DOCK3: variants seen among roughly 807,000 people sequenced by gnomAD.
The protein encoded by DOCK3 is dedicator of cytokinesis protein 3.
Under a neutral mutation model 265.6 loss-of-function variants are expected in DOCK3, and 60 were observed. The ratio of observed to expected loss-of-function variants is 0.23; its 90% confidence interval spans 0.18 to 0.28. DOCK3 has a LOEUF of 0.28. Ranked by LOEUF, DOCK3 falls within the 10% of genes least tolerant of loss-of-function variation. DOCK3 has a pLI of 1.00. For missense variants in DOCK3, 1,981 were observed against 2,594.3 expected, an observed-to-expected ratio of 0.76 and a Z score of 5.14; for synonymous variants, 881 against 938.0, an observed-to-expected ratio of 0.94 and a Z score of 1.11.
Position 50,965,778 on chromosome 3 carries a change from T to G in DOCK3, c.315+31701T>G, listed in dbSNP as rs552213228. ...TGAAATTGAAGACAAAATCAAACATTTTTTAATTAAACATTTTTTAGCTTA... is the reference window on the plus strand; with the variant it reads ...TGAAATTGAAGACAAAATCAAACATGTTTTAATTAAACATTTTTTAGCTTA... On this transcript the variant is annotated intron_variant, in intron 5 of 52. Transcript: ENST00000266037. Among the ~76,000 whole-genome samples, 10 of 152,274 alleles carry G rather than the reference T, an allele frequency of 6.6e-5. 1 individual carries two copies. In the South Asian group the frequency reaches 2.1e-3, roughly 32 times the overall value.
At chr3:50,870,277 G>A (rs1159783452) in intron 3 of DOCK3, among the ~76,000 whole-genome samples, 1 of 151,780 alleles carries the variant, frequency 6.6e-6, no homozygotes, top group Non-Finnish European at 1.5e-5. Flanking sequence ...ATATTTGGTT[G>A]GTATATTTGT....
intron 5 of DOCK3, among the ~76,000 whole-genome samples, chr3:51,033,244 G>A (rs925520927): frequency 1.3e-5 from 2 of 152,124 alleles, no homozygotes; most frequent in African/African-American, 4.8e-5. Context: ...ACTTTCCCAG[G>A]CATTTTTCTG....
intron 5 of DOCK3, among the ~76,000 whole-genome samples, chr3:50,953,497 A>G (rs1364810492): frequency 6.6e-6 from 1 of 152,150 alleles, no homozygotes; most frequent in Non-Finnish European, 1.5e-5. Context: ...AGGAACAGGA[A>G]AGGTTCATTT....
At chr3:50,818,132 A>G (rs2044197209) in intron 2 of DOCK3, among the ~76,000 whole-genome samples, 1 of 152,182 alleles carries the variant, frequency 6.6e-6, no homozygotes, top group African/African-American at 2.4e-5. Context: ...TCTAGGAGTA[A>G]TTATTCTCTT....
intron 7 of DOCK3, among the ~76,000 whole-genome samples, chr3:51,080,902 A>G (rs1249895115): frequency 7.1e-6 from 1 of 141,032 alleles, no homozygotes; most frequent in Non-Finnish European, 1.6e-5. Flanking sequence ...GAATGCTTGA[A>G]TTTTTTTTTT....
intron 5 of DOCK3, among the ~76,000 whole-genome samples, chr3:50,948,483 A>C (rs559504199): frequency 2.1e-5 from 3 of 141,508 alleles, no homozygotes; most frequent in Non-Finnish European, 4.5e-5. Context: ...AGCTCACTGT[A>C]AGCTCCAACT....
intron 27 of DOCK3, 60 bp downstream of exon 27, chr3:51,280,264 G>T (rs1288053738): frequency 5.3e-6 from 8 of 1,498,702 alleles, no homozygotes; most frequent in Non-Finnish European, 7.3e-6. Flanking sequence ...CTCCCCAGGG[G>T]CTTTTTCCCT....
intron 3 of DOCK3, among the ~76,000 whole-genome samples, chr3:50,854,498 A>G (rs1298262726): frequency 2.8e-5 from 4 of 143,424 alleles, no homozygotes; most frequent in African/African-American, 7.8e-5. Context: ...TATTGTGATC[A>G]TAACTCATTG....
At chr3:51,301,119 G>A (rs770661238) in intron 27 of DOCK3, among the ~76,000 whole-genome samples, 4 of 152,092 alleles carry the variant, frequency 2.6e-5, no homozygotes, top group South Asian at 4.1e-4. Flanking sequence ...CTTCTTCCTG[G>A]TTTAGTCTTG....
chr3:50,849,233 C>T (rs985708466), intron 3 of DOCK3, among the ~76,000 whole-genome samples: 1 of 151,328 alleles, frequency 6.6e-6, no homozygotes, highest in Non-Finnish European at 1.5e-5. Flanking sequence ...CAGGGTCTTG[C>T]CACATTACTA....
chr3:50,930,610 G>A (rs1480617739), intron 4 of DOCK3, among the ~76,000 whole-genome samples: 1 of 152,206 alleles, frequency 6.6e-6, no homozygotes, highest in East Asian at 1.9e-4. Flanking sequence ...AGGCTCCCTT[G>A]GTGGCTCCAG....
At chr3:50,852,749 C>T (rs2046400962) in intron 3 of DOCK3, among the ~76,000 whole-genome samples, 1 of 152,046 alleles carries the variant, frequency 6.6e-6, no homozygotes, top group Non-Finnish European at 1.5e-5. Flanking sequence ...TATTATTTAA[C>T]ATGTATCTGC....
intron 5 of DOCK3, among the ~76,000 whole-genome samples, chr3:50,960,933 A>G (rs935777932): frequency 6.6e-6 from 1 of 152,190 alleles, no homozygotes; most frequent in African/African-American, 2.4e-5. Flanking sequence ...TGAAAAGACT[A>G]TTCTTTCCCC....
intron 3 of DOCK3, among the ~76,000 whole-genome samples, chr3:50,853,876 T>TG (rs34477666): frequency 6.6e-6 from 1 of 151,638 alleles, no homozygotes. Context: ...TTTTTGTTTT[T>TG]GAGAAGTCTC....
intron 3 of DOCK3, among the ~76,000 whole-genome samples, chr3:50,884,637 T>TTC (rs1340478793): frequency 3.3e-5 from 5 of 152,212 alleles, no homozygotes. Flanking sequence ...TTCCTTGGTT[T>TTC]TCTTCCTGCT....
intron 5 of DOCK3, among the ~76,000 whole-genome samples, chr3:50,938,576 A>C (rs762803369): frequency 1.3e-5 from 2 of 152,152 alleles, no homozygotes; most frequent in African/African-American, 4.8e-5. Context: ...TATTCTAACC[A>C]TAATGGAAAC....
intron 5 of DOCK3, among the ~76,000 whole-genome samples, chr3:50,992,681 G>C (rs1057508258): frequency 6.6e-6 from 1 of 152,190 alleles, no homozygotes; most frequent in Non-Finnish European, 1.5e-5. Flanking sequence ...TTAGATAAAT[G>C]TAATTGGGAA....
chr3:51,357,671 G>A, intron 44 of DOCK3, 87 bp from the exon 45 acceptor site: 1 of 1,333,500 alleles, frequency 7.5e-7, no homozygotes, highest in Admixed American at 1.8e-5. Context: ...TGCTTTTTAG[G>A]TGGCATTAGT....
rs1300450637 is a variant in DOCK3 at position 51,228,651 on chromosome 3, T to C, written c.1648-10T>C. ...TCAGGGGACATTTTTTTCTCCATTT[T>C]TGCCTACAGTGTGATGAGAATAGCA... On this transcript the variant is annotated splice_polypyrimidine_tract_variant and intron_variant, in intron 17 of 52. Coordinates refer to ENST00000266037, the MANE Select transcript of DOCK3 (RefSeq NM_004947.5). 2 of 1,606,722 alleles carry C rather than the reference T, an allele frequency of 1.2e-6. No homozygotes were observed. The highest frequency in any genetic ancestry group is 1.7e-5 in the Admixed American group (1 of 58,708).
Sources: allele counts gnomAD v4.1 joint callset (sites outside exome capture counted in the v4.1 genomes callset), GRCh38; gene constraint gnomAD v4.1.1; transcripts MANE v1.5; gene names NCBI Gene and HGNC (gene_info 2026-07-23, HGNC 2026-07-21).